Variants in A3GALT2 observed in about 807,000 individuals in gnomAD.
The protein encoded by A3GALT2 is alpha-1,3-galactosyltransferase 2.
Under a neutral mutation model 16.6 loss-of-function variants are expected in A3GALT2, and 14 were observed. The observed-to-expected ratio is 0.84, with a 90% CI of 0.56 to 1.32. The LOEUF is 1.32. Ranked by LOEUF, A3GALT2 falls within the 40% of genes most tolerant of loss-of-function variation. A3GALT2 has a pLI of 0.00. For missense variants in A3GALT2, 600 were observed against 490.9 expected, an observed-to-expected ratio of 1.22 and a Z score of -2.10; for synonymous variants, 253 against 218.0, an observed-to-expected ratio of 1.16 and a Z score of -1.42.
chr1:33,311,942 C>A (rs1369977910), intron 4 of A3GALT2, 110 bp downstream of exon 4: 6 of 1,467,720 alleles, frequency 4.1e-6, no homozygotes, highest in Non-Finnish European at 5.5e-6. Context: ...CTTCTCGCTT[C>A]ACTTTGGGAT....
chr1:33,307,351 C>G lies in A3GALT2; in HGVS notation c.438G>C (p.Ala146=), dbSNP rs373216409. ...MYYVFTELPG[A]VPRVALGPGR... ...CCGGGCCCAGCGCCACGCGGGGCAC[C>G]GCTCCCGGAAGCTCGGTGAACACGT... Residue 146 remains alanine, a synonymous_variant, in exon 5 of 5, where the codon GCG becomes GCC. Coordinates refer to ENST00000442999, the MANE Select transcript of A3GALT2 (RefSeq NM_001080438.1). The G allele has an allele frequency of 1.3e-5, 20 of 1,546,586 alleles. No individual in the cohort carries two copies. The highest frequency in any genetic ancestry group is 1.6e-5 in the Non-Finnish European group (18 of 1,154,150).
intron 1 of A3GALT2, chr1:33,313,296 C>G (rs1015046026): frequency 6.4e-6 from 1 of 156,896 alleles, no homozygotes; most frequent in African/African-American, 2.4e-5. Flanking sequence ...ATCCTCCCAC[C>G]TCAGCCTCCT....
In A3GALT2 at chr1:33,320,122, G is replaced by A. The variant is rs570327983; in HGVS notation, c.23+954C>T. ...CCCGTGGGCTTGGCTTCTTCCCTTCGCACTCTATTCAGCTCCTGTCTGAGC... is the reference window on the plus strand; with the variant it reads ...CCCGTGGGCTTGGCTTCTTCCCTTCACACTCTATTCAGCTCCTGTCTGAGC... On this transcript the variant is annotated intron_variant, in intron 1 of 4. Transcript: ENST00000442999. This position sits in a 1 kb window ranked among gnomAD's most constrained non-coding sequence, Gnocchi z 4.3. Among the ~76,000 whole-genome samples, 8 of 151,938 alleles carry A rather than the reference G, an allele frequency of 5.3e-5. No homozygotes were observed. The highest frequency in any genetic ancestry group is 4.2e-4 in the South Asian group (2 of 4,810).
chr1:33,316,941 T>C (rs1646264648), intron 1 of A3GALT2, among the ~76,000 whole-genome samples: 1 of 150,118 alleles, frequency 6.7e-6, no homozygotes, highest in East Asian at 2.0e-4. Context: ...TGGGTGGGAG[T>C]GGGGCTGTCT....
At chr1:33,311,902 G>A (rs1646234270) in intron 4 of A3GALT2, 150 bp downstream of exon 4, 3 of 1,159,436 alleles carry the variant, frequency 2.6e-6, no homozygotes, top group Non-Finnish European at 3.6e-6. Flanking sequence ...GTGCTCATCT[G>A]GGGGTGTGGG....
intron 4 of A3GALT2, among the ~76,000 whole-genome samples, chr1:33,310,064 G>A (rs557292210): frequency 1.3e-5 from 2 of 152,400 alleles, no homozygotes; most frequent in East Asian, 1.9e-4. Flanking sequence ...CACCTCGGGA[G>A]GCCGAGGCGG....
intron 4 of A3GALT2, among the ~76,000 whole-genome samples, chr1:33,311,572 T>TCCCCAGCC (rs1646232570): frequency 6.6e-6 from 1 of 152,118 alleles, no homozygotes; most frequent in African/African-American, 2.4e-5. Context: ...ATCCTTCAGC[T>TCCCCAGCC]CCCCAGCCCC....
intron 4 of A3GALT2, among the ~76,000 whole-genome samples, chr1:33,309,983 G>A (rs1646225583): frequency 6.6e-6 from 1 of 152,266 alleles, no homozygotes. Context: ...AGCGAACTGA[G>A]ATCACGCCAC....
chr1:33,312,312 G>A (rs1646236835), intron 3 of A3GALT2, 123 bp from the exon 4 acceptor site: 1 of 1,401,758 alleles, frequency 7.1e-7, no homozygotes, highest in Non-Finnish European at 9.6e-7. Context: ...CCTAGTTGCT[G>A]CCCCTGGAAG....
At chr1:33,310,118 A>G (rs1646226365) in intron 4 of A3GALT2, among the ~76,000 whole-genome samples, 1 of 152,278 alleles carries the variant, frequency 6.6e-6, no homozygotes, top group Admixed American at 6.5e-5. Context: ...CCCGGCCAAC[A>G]CGGCGAAACT....
At position 33,312,585 on chromosome 1, in the gene A3GALT2, A is replaced by G; in HGVS notation, c.113T>C (p.Leu38Pro). 2 of 1,587,520 alleles carry G rather than the reference A, an allele frequency of 1.3e-6. No homozygotes were observed. Among genetic ancestry groups the G allele is most frequent in the African/African-American group, 1.3e-5 (1 of 74,160 alleles). Residue 38 changes from leucine to proline, a missense_variant, in exon 3 of 5, where the codon CTG (leucine) becomes CCG (proline). Leu to Pro is a moderately conservative substitution (Grantham distance 98). Coordinates refer to ENST00000442999, the MANE Select transcript of A3GALT2 (RefSeq NM_001080438.1). ...FLYGLPKFRH[L>P]EALIPMGVCP... ...GACGCCCATGGGGATGAGGGCTTCC[A>G]GATGCCTGTGGTGGGTTGAGGGGCG...
chr1:33,308,653 G>A (rs1016987821), intron 4 of A3GALT2, among the ~76,000 whole-genome samples: 8 of 149,982 alleles, frequency 5.3e-5, no homozygotes, highest in South Asian at 2.1e-4. Context: ...TGATCCTCCC[G>A]TCTCGGGCCT....
At position 33,312,904 on chromosome 1, in the gene A3GALT2, G is replaced by A. The variant is rs1359956311; in HGVS notation, c.24-14C>T. On this transcript the variant is annotated splice_polypyrimidine_tract_variant and intron_variant, in intron 1 of 4. Transcript: ENST00000442999. ...CTCTTCCAGGCCCTGGGGGCGGGAGGGGGGCATCAGTAACTCATTTATATG... is the reference window on the plus strand; with the variant it reads ...CTCTTCCAGGCCCTGGGGGCGGGAGAGGGGCATCAGTAACTCATTTATATG... 8 of 1,588,860 alleles carry A rather than the reference G, an allele frequency of 5.0e-6. No individual in the cohort carries two copies. Among genetic ancestry groups the A allele is most frequent in the Non-Finnish European group, 6.9e-6 (8 of 1,164,092 alleles).
At position 33,320,080 on chromosome 1, in the gene A3GALT2, C is replaced by T. The variant is rs530068297; in HGVS notation, c.23+996G>A. ...CCTGAGGCTCATCTCACAAGGTTCT[C>T]GGCCCTGTTATTTCTCCCCGTGGGC... On this transcript the variant is annotated intron_variant, in intron 1 of 4. Transcript: ENST00000442999. The surrounding 1 kb of genome is among the most constrained non-coding windows in gnomAD (Gnocchi z 4.3). Among the ~76,000 whole-genome samples, 11 of 152,040 alleles carry T rather than the reference C, an allele frequency of 7.2e-5. No homozygotes were observed. The highest frequency in any genetic ancestry group is 1.9e-4 in the East Asian group (1 of 5,166).
rs777391335 is a variant in A3GALT2 at position 33,306,970 on chromosome 1, C to T, written c.819G>A (p.Ala273=). The T allele has an allele frequency of 1.0e-5, 15 of 1,488,976 alleles. No individual in the cohort carries two copies. The highest frequency in any genetic ancestry group is 1.2e-5 in the Non-Finnish European group (14 of 1,126,446). The allele number at this position is 1,488,976 out of a possible 1,614,324, so 92.2% of individuals were successfully genotyped here. A position where few individuals can be genotyped will look rare whatever the true frequency, so the allele number is the denominator to read the frequency against. The change falls in exon 5 of 5, where the codon GCG becomes GCA. Residue 273 remains alanine, a synonymous_variant. Coordinates refer to ENST00000442999, the MANE Select transcript of A3GALT2 (RefSeq NM_001080438.1). ...AALRGLTAHC[A]GGLDWDRARG... is the part of the protein sequence containing the mutation. The stretch of plus-strand genomic sequence containing the variant: ...GCGCGCGGTCCCAGTCCAGGCCCCC[C>T]GCACAGTGCGCCGTCAGCCCGCGCA...
intron 1 of A3GALT2, among the ~76,000 whole-genome samples, chr1:33,318,146 C>T (rs1026968092): frequency 1.3e-5 from 2 of 152,156 alleles, no homozygotes; most frequent in African/African-American, 2.4e-5. Flanking sequence ...CGTATAGCCG[C>T]GTTCTTTCAT....
intron 1 of A3GALT2, among the ~76,000 whole-genome samples, chr1:33,316,303 C>A (rs530312162): frequency 6.3e-4 from 96 of 152,072 alleles, no homozygotes; most frequent in Non-Finnish European, 1.1e-3. Context: ...CAGAGGTGAG[C>A]CGGGGCCAGG....
At chr1:33,318,578 A>G (rs978290165) in intron 1 of A3GALT2, among the ~76,000 whole-genome samples, 6 of 152,002 alleles carry the variant, frequency 3.9e-5, no homozygotes, top group Non-Finnish European at 7.4e-5. Flanking sequence ...GATTCCTATA[A>G]CAGCCTCCTG....
chr1:33,307,138 C>T lies in A3GALT2; in HGVS notation c.651G>A (p.Val217=), dbSNP rs1312651090. 6.5e-7 allele frequency: 1 copy of T among 1,547,112 alleles called. No homozygotes were observed. Residue 217 remains valine (V), a synonymous_variant, in exon 5 of 5, where the codon GTG becomes GTA. Coordinates refer to ENST00000442999, the MANE Select transcript of A3GALT2 (RefSeq NM_001080438.1). ...GGTAGTGCCAGGAGTGCAGCTGCGC[C>T]ACCGACTCGGCCAGCGCCTCGGGCC... ...TFGPEALAES[V]AQLHSWHYHW... is the part of the protein sequence containing the mutation.
Sources: gnomAD v4.1 joint callset for allele counts (sites outside exome capture counted in the v4.1 genomes callset) on GRCh38, gnomAD v4.1.1 for gene constraint, Gnocchi (gnomAD v3.1) non-coding constraint, MANE v1.5 for transcripts, NCBI Gene and HGNC (gene_info 2026-07-23, HGNC 2026-07-21) for gene names.